The following PMM2 variants were observed in gnomAD, a reference collection of about 807,000 sequenced individuals.
PMM2 encodes the protein phosphomannomutase 2.
In PMM2, 35 loss-of-function variants were observed where a neutral mutation model predicts 33.2. The ratio of observed to expected loss-of-function variants is 1.06; its 90% CI spans 0.81 to 1.40. PMM2 has a LOEUF of 1.40. Among genes scored for constraint, PMM2 ranks in the 40% most tolerant of loss-of-function variants. The pLI, the probability that PMM2 is intolerant of heterozygous loss-of-function variation, is 0.00. For synonymous variants in PMM2, 153 were observed against 114.7 expected, an observed-to-expected ratio of 1.33 and a Z score of -2.13; for missense variants, 386 against 306.0, an observed-to-expected ratio of 1.26 and a Z score of -1.95.
chr16:8,845,772 A>C (rs922257398), intron 7 of PMM2, among the ~76,000 whole-genome samples: 10 of 143,782 alleles, frequency 7.0e-5, no homozygotes, highest in African/African-American at 2.6e-4. Flanking sequence ...ACTTTTACCC[A>C]CTGTGCCATT....
At chr16:8,826,128 GA>G (rs2060766528) in intron 7 of PMM2, among the ~76,000 whole-genome samples, 1 of 152,104 alleles carries the variant, frequency 6.6e-6, no homozygotes, top group Non-Finnish European at 1.5e-5. Context: ...TTAATTTATG[GA>G]AAAAATTAAA....
At chr16:8,809,661 C>G (rs2060667345) in intron 4 of PMM2, 1 of 152,088 alleles carries the variant, frequency 6.6e-6, no homozygotes, top group Middle Eastern at 3.4e-3. Context: ...TCTTGTTGGC[C>G]AGGCTGGTCT....
At chr16:8,834,435 C>T (rs547913793) in intron 7 of PMM2, among the ~76,000 whole-genome samples, 17 of 151,854 alleles carry the variant, frequency 1.1e-4, no homozygotes, top group African/African-American at 3.9e-4. Context: ...ACTGCGGTGG[C>T]CTTCTCAGAC....
intron 7 of PMM2, among the ~76,000 whole-genome samples, chr16:8,830,712 C>T (rs999721632): frequency 1.3e-5 from 2 of 152,202 alleles, no homozygotes; most frequent in Non-Finnish European, 2.9e-5. Flanking sequence ...CAGACTCTTG[C>T]AGCCAGAGGC....
chr16:8,810,212 G>C (rs1447353003), intron 4 of PMM2: 1 of 152,162 alleles, frequency 6.6e-6, no homozygotes, highest in Non-Finnish European at 1.5e-5. Context: ...TCTGCTACTG[G>C]GTAAATTGAA....
intron 2 of PMM2, among the ~76,000 whole-genome samples, chr16:8,803,670 CT>C (rs957592495): frequency 6.6e-6 from 1 of 151,972 alleles, no homozygotes; most frequent in South Asian, 2.1e-4. Flanking sequence ...CACTGAAGAG[CT>C]TTTTTTAAAA....
chr16:8,827,895 TA>T (rs2060785086), intron 7 of PMM2, among the ~76,000 whole-genome samples: 2 of 104,006 alleles, frequency 1.9e-5, no homozygotes, highest in African/African-American at 7.2e-5. Flanking sequence ...ATATGATATA[TA>T]TGATATATAT....
intron 7 of PMM2, among the ~76,000 whole-genome samples, chr16:8,835,453 C>G (rs1249108317): frequency 6.6e-5 from 10 of 152,008 alleles, no homozygotes; most frequent in Middle Eastern, 3.4e-3. Flanking sequence ...GGTCATCTAA[C>G]TGAAAGCAAA....
At chr16:8,841,641 T>C (rs1211426837) in intron 7 of PMM2, among the ~76,000 whole-genome samples, 1 of 147,122 alleles carries the variant, frequency 6.8e-6, no homozygotes, top group Non-Finnish European at 1.5e-5. Flanking sequence ...CTGCCTTTGC[T>C]GCTATGTGGC....
At chr16:8,827,811 T>TTTA (rs1375991583) in intron 7 of PMM2, among the ~76,000 whole-genome samples, 2 of 82,518 alleles carry the variant, frequency 2.4e-5, no homozygotes, top group Non-Finnish European at 5.2e-5. Context: ...TATTTATATA[T>TTTA]TTATATAATA....
At chr16:8,828,617 C>T (rs139561639) in intron 7 of PMM2, among the ~76,000 whole-genome samples, 3 of 152,212 alleles carry the variant, frequency 2.0e-5, no homozygotes, top group African/African-American at 7.2e-5. Flanking sequence ...GACATGGTCC[C>T]AAAGTCAAGT....
intron 7 of PMM2, 199 bp from the exon 8 acceptor site, chr16:8,847,525 C>A: frequency 1.7e-6 from 1 of 588,726 alleles, no homozygotes; most frequent in Non-Finnish European, 3.1e-6. Flanking sequence ...AATTGCAGTT[C>A]AAGAGAAGGT....
chr16:8,827,954 TTTATAA>T (rs1331483786), intron 7 of PMM2, among the ~76,000 whole-genome samples: 1 of 105,030 alleles, frequency 9.5e-6, no homozygotes, highest in Admixed American at 1.1e-4. Context: ...AATATATATA[TTTATAA>T]ATTTATATAT....
At position 8,801,807 on chromosome 16, in the gene PMM2, C is replaced by G. The variant is rs1172729028; in HGVS notation, c.75C>G (p.Thr25=). 6.2e-7 allele frequency: 1 copy of G among 1,603,452 alleles called. No homozygotes were observed. The highest frequency in any genetic ancestry group is 1.3e-5 in the African/African-American group (1 of 74,368). ...TCTTTCTTGAAATTTAGAAAATTAC[C>G]AAAGAAATGGATGACTTCCTACAAA... ...GTLTAPRQKI[T]KEMDDFLQKL... is the part of the protein sequence containing the mutation. Residue 25 remains threonine, a synonymous_variant, in exon 2 of 8, where the codon ACC becomes ACG. Transcript: ENST00000268261.
intron 7 of PMM2, among the ~76,000 whole-genome samples, chr16:8,830,002 G>T (rs910306798): frequency 6.6e-5 from 10 of 152,160 alleles, no homozygotes; most frequent in Admixed American, 6.5e-4. Context: ...CCATGATGGG[G>T]CTACAGGCAG....
At chr16:8,844,420 T>G (rs2060910712) in intron 7 of PMM2, among the ~76,000 whole-genome samples, 1 of 151,226 alleles carries the variant, frequency 6.6e-6, no homozygotes. Context: ...GATACGAGTT[T>G]GGGGTACTTG....
intron 4 of PMM2, 22 bp downstream of exon 4, chr16:8,806,429 A>G (rs968428457): frequency 1.4e-6 from 2 of 1,433,882 alleles, no homozygotes; most frequent in Non-Finnish European, 2.0e-6. Context: ...TTTAACAAAG[A>G]GGCGTCACAG....
rs116958180 is a variant in PMM2, at chr16:8,806,869, G to A, written c.347+462G>A. ...AAAAGCAACAGAAACCCTAGATCGG[G>A]AAGTCTGAGACAGGAAGCCTTCGGG... On this transcript the variant is annotated intron_variant, in intron 4 of 7. Transcript: ENST00000268261. 533 of 180,226 alleles carry A rather than the reference G, an allele frequency of 3.0e-3. 4 individuals are homozygous for A. Among genetic ancestry groups the A allele is most frequent in the Non-Finnish European group, 4.7e-3 (395 of 84,556 alleles). The allele number at this position is 180,226 out of a possible 1,614,324, so 11.2% of individuals were successfully genotyped here.
intron 7 of PMM2, chr16:8,829,391 A>G (rs1020809143): frequency 7.9e-5 from 12 of 152,228 alleles, no homozygotes; most frequent in African/African-American, 2.9e-4. Context: ...GCCAAGTCGC[A>G]TTGCAAAGGA....
Sources: gnomAD v4.1 joint callset for allele counts (sites outside exome capture counted in the v4.1 genomes callset) on GRCh38, gnomAD v4.1.1 for gene constraint, MANE v1.5 for transcripts, NCBI Gene and HGNC (gene_info 2026-07-23, HGNC 2026-07-21) for gene names.